PCDH15: variants seen among roughly 807,000 people sequenced by gnomAD.
PCDH15 encodes protocadherin related 15, also known as protocadherin-15.
Under a neutral mutation model 178.5 loss-of-function variants are expected in PCDH15, and 129 were observed. That is an observed-to-expected ratio of 0.72 (90% CI 0.63 to 0.84). PCDH15 has a LOEUF of 0.84. PCDH15 is among the 40% of genes least tolerant of loss of function. The pLI, the probability that PCDH15 is intolerant of heterozygous loss-of-function variation, is 0.00. For synonymous variants in PCDH15, 800 were observed against 732.0 expected (o/e 1.09, Z -1.50); for missense variants, 2,230 against 2,099.9 (o/e 1.06, Z -1.21).
intron 2 of PCDH15, among the ~76,000 whole-genome samples, chr10:55,022,535 T>C (rs1226051182): frequency 6.6e-6 from 1 of 151,892 alleles, no homozygotes; most frequent in Non-Finnish European, 1.5e-5. Context: ...ATTTGTTAAT[T>C]AGCTAGATTT....
chr10:54,850,294 T>C (rs1187347692), intron 3 of PCDH15, among the ~76,000 whole-genome samples: 1 of 152,106 alleles, frequency 6.6e-6, no homozygotes, highest in East Asian at 1.9e-4. Context: ...ATATTTTTAT[T>C]TTTTATTTCC....
intron 25 of PCDH15, among the ~76,000 whole-genome samples, chr10:53,919,440 T>C (rs1347671892): frequency 1.3e-5 from 2 of 152,234 alleles, no homozygotes; most frequent in African/African-American, 2.4e-5. Context: ...CAGAAAGCTT[T>C]AATGGTAATA....
intron 18 of PCDH15, among the ~76,000 whole-genome samples, chr10:54,047,543 T>A (rs568906530): frequency 1.3e-5 from 2 of 152,024 alleles, no homozygotes; most frequent in Non-Finnish European, 2.9e-5. Flanking sequence ...GTTGTTTTTT[T>A]CAGTTTTCAA....
chr10:54,696,867 G>A (rs1400141493), intron 1 of PCDH15, among the ~76,000 whole-genome samples: 1 of 152,068 alleles, frequency 6.6e-6, no homozygotes, highest in African/African-American at 2.4e-5. Flanking sequence ...TTGCAGGGAT[G>A]GATGTTTTTA....
chr10:55,047,769 C>G (rs937601182), intron 2 of PCDH15, among the ~76,000 whole-genome samples: 1 of 151,782 alleles, frequency 6.6e-6, no homozygotes, highest in Non-Finnish European at 1.5e-5. Context: ...AATGGAATGT[C>G]TTCTGAACCT....
intron 2 of PCDH15, among the ~76,000 whole-genome samples, chr10:55,445,434 C>T (rs1257142858): frequency 1.3e-5 from 2 of 152,024 alleles, no homozygotes; most frequent in Admixed American, 6.6e-5. Flanking sequence ...TTCTGAGACA[C>T]GGGACAAGCT....
At chr10:54,999,420 T>C (rs1839739168) in intron 2 of PCDH15, among the ~76,000 whole-genome samples, 1 of 152,256 alleles carries the variant, frequency 6.6e-6, no homozygotes, top group Non-Finnish European at 1.5e-5. Context: ...CTTAATTCAG[T>C]CCATAATTTG....
intron 2 of PCDH15, among the ~76,000 whole-genome samples, chr10:55,107,970 T>C (rs1326140584): frequency 6.6e-6 from 1 of 152,098 alleles, no homozygotes; most frequent in Admixed American, 6.6e-5. Flanking sequence ...AGATGAGACA[T>C]TTGGAAGGCA....
rs5785025 is a variant in PCDH15 at position 53,881,989 on chromosome 10, CTT to C, written c.3502-15134_3502-15133del. On this transcript the variant is annotated intron_variant, in intron 26 of 37. Coordinates refer to ENST00000644397, the MANE Select transcript of PCDH15 (RefSeq NM_001384140.1). ...GTTAATATTATGAATTGCCCACTTG[CTT>C]TTTTTTTTTTTTTTTTAACATGGAG... is the stretch of plus-strand genomic sequence containing the variant. Among the ~76,000 whole-genome samples the C allele has an allele frequency of 4.7e-3, 645 of 138,108 alleles. 1 individual carries two copies. Among genetic ancestry groups the C allele is most frequent in the Middle Eastern group, 0.011 (3 of 262 alleles). 90.6% of individuals were successfully genotyped at this position (138,108 alleles called of 152,430 possible).
intron 1 of PCDH15, among the ~76,000 whole-genome samples, chr10:54,731,739 C>G (rs1354772506): frequency 6.7e-6 from 1 of 150,090 alleles, no homozygotes; most frequent in Admixed American, 6.7e-5. Context: ...TATGTGGGAA[C>G]TGAACAAGTG....
intron 2 of PCDH15, among the ~76,000 whole-genome samples, chr10:54,542,483 G>A (rs2085354209): frequency 6.6e-6 from 1 of 152,164 alleles, no homozygotes; most frequent in African/African-American, 2.4e-5. Context: ...AGGGACTGTG[G>A]CTGAGAGTTA....
chr10:53,957,418 T>A (rs2087725847), intron 23 of PCDH15, among the ~76,000 whole-genome samples: 2 of 151,446 alleles, frequency 1.3e-5, no homozygotes, highest in Admixed American at 1.3e-4. Flanking sequence ...TGCATAGGAG[T>A]CCCCCTTTAT....
intron 2 of PCDH15, among the ~76,000 whole-genome samples, chr10:55,479,277 A>G (rs577630484): frequency 6.6e-6 from 1 of 151,708 alleles, no homozygotes; most frequent in Non-Finnish European, 1.5e-5. Context: ...AGAGAACATC[A>G]AAAAGGTCAT....
At chr10:54,134,369 T>A (rs1393221342) in intron 14 of PCDH15, among the ~76,000 whole-genome samples, 1 of 88,126 alleles carries the variant, frequency 1.1e-5, no homozygotes, top group South Asian at 5.1e-4. Flanking sequence ...AGTCCCAAAC[T>A]CTTTATAAGA....
chr10:55,384,979 G>A (rs1837617513), intron 2 of PCDH15, among the ~76,000 whole-genome samples: 1 of 152,044 alleles, frequency 6.6e-6, no homozygotes, highest in Non-Finnish European at 1.5e-5. Context: ...AAAATTTGAA[G>A]AGAAAAGCAA....
At position 55,347,057 on chromosome 10, in the gene PCDH15, T is replaced by TA. The variant is rs200231191; in HGVS notation, c.-155-180407dup. Among the ~76,000 whole-genome samples the TA allele has an allele frequency of 3.7e-3, 557 of 151,194 alleles. 9 individuals carry two copies. In the East Asian group the frequency reaches 0.074, roughly 20 times the overall value. ...GGCAAAACCCCATCTCTACAAAAAA[T>TA]AAAAAAAATTAGCCAGGCGTGGTGG... is the stretch of plus-strand genomic sequence containing the variant. On this transcript the variant is annotated intron_variant, in intron 2 of 5. Coordinates refer to the PCDH15 transcript ENST00000613346.
intron 1 of PCDH15, among the ~76,000 whole-genome samples, chr10:55,243,515 T>C (rs1359435463): frequency 1.3e-5 from 2 of 152,162 alleles, no homozygotes; most frequent in Non-Finnish European, 2.9e-5. Flanking sequence ...TTTCTTTACT[T>C]TTCCTAGGAT....
chr10:55,135,922 G>C (rs1396992201), intron 2 of PCDH15, among the ~76,000 whole-genome samples: 1 of 152,008 alleles, frequency 6.6e-6, no homozygotes, highest in Non-Finnish European at 1.5e-5. Flanking sequence ...TTTGTATATA[G>C]CATCTTGAAT....
chr10:53,954,974 A>T (rs561015696), intron 23 of PCDH15, among the ~76,000 whole-genome samples: 2 of 152,360 alleles, frequency 1.3e-5, no homozygotes, highest in East Asian at 3.9e-4. Context: ...TTACAATCAC[A>T]TGTTTAATGT....
Sources: gnomAD v4.1 joint callset for allele counts (sites outside exome capture counted in the v4.1 genomes callset) on GRCh38, gnomAD v4.1.1 for gene constraint, MANE v1.5 for transcripts, NCBI Gene and HGNC (gene_info 2026-07-23, HGNC 2026-07-21) for gene names.